Variants in ECE1 observed in about 807,000 individuals in gnomAD.
ECE1 encodes the protein endothelin converting enzyme 1.
ECE1 carries 35 observed loss-of-function variants against 98.6 expected under a neutral mutation model. The ratio of observed to expected loss-of-function variants is 0.35; its 90% CI spans 0.27 to 0.47. The LOEUF (loss-of-function observed/expected upper bound fraction) is 0.47. Among genes scored for constraint, ECE1 ranks in the 20% least tolerant of loss-of-function variants. ECE1 has a pLI of 1.00. For missense variants in ECE1, 814 were observed against 1,025.3 expected (o/e 0.79, Z 2.81); for synonymous variants, 394 against 407.1 (o/e 0.97, Z 0.39).
rs151328486 is a variant in ECE1, at chr1:21,241,779, C to T, written c.1278+3210G>A. Among the ~76,000 whole-genome samples the T allele has an allele frequency of 1.6e-3, 248 of 152,298 alleles. 1 individual carries two copies. Among genetic ancestry groups the T allele is most frequent in the African/African-American group, 5.7e-3 (238 of 41,580 alleles). ...GCTCCAATGTCTTCCTTCAAAGAGG[C>T]CACGCTCTCTGCCTACAGGTCACGA... On this transcript the variant is annotated intron_variant, in intron 10 of 18. Coordinates refer to ENST00000374893, the MANE Select transcript of ECE1 (RefSeq NM_001397.3).
At chr1:21,245,531 A>C (rs909787407) in intron 9 of ECE1, among the ~76,000 whole-genome samples, 3 of 152,134 alleles carry the variant, frequency 2.0e-5, no homozygotes, top group Non-Finnish European at 2.9e-5. Flanking sequence ...GCAGGAAAAG[A>C]AGCTCAGCCC....
At chr1:21,273,234 G>A (rs2098242418) in intron 3 of ECE1, among the ~76,000 whole-genome samples, 1 of 152,140 alleles carries the variant, frequency 6.6e-6, no homozygotes, top group African/African-American at 2.4e-5. Context: ...ATTCACGCAT[G>A]CATTCATTTA....
intron 4 of ECE1, among the ~76,000 whole-genome samples, chr1:21,270,481 G>A (rs1482180034): frequency 2.0e-5 from 3 of 152,242 alleles, no homozygotes; most frequent in Non-Finnish European, 4.4e-5. Context: ...CATCAAGCAA[G>A]TCTCAGCTCT....
intron 4 of ECE1, among the ~76,000 whole-genome samples, chr1:21,264,315 C>CA (rs1279690610): frequency 2.5e-5 from 2 of 78,650 alleles, no homozygotes; most frequent in Non-Finnish European, 5.1e-5. Flanking sequence ...CAATTCCCCC[C>CA]CCCCCTTTTT....
In ECE1 at chr1:21,319,943, A is replaced by G. The variant is rs1290945797; in HGVS notation, c.3+25433T>C. ...TGTTTACACTCGGCAGCAGCGTCCC[A>G]TCTTTTGACTTCCCTGGGCCACAAT... On this transcript the variant is annotated intron_variant, in intron 1 of 18. Coordinates refer to the ECE1 transcript ENST00000415912. The surrounding 1 kb of genome is among the most constrained non-coding windows in gnomAD (Gnocchi z 4.4). 1.3e-5 allele frequency among the ~76,000 whole-genome samples: 2 copies of G among 152,178 alleles called. No homozygotes were observed. Among genetic ancestry groups the G allele is most frequent in the East Asian group, 1.9e-4 (1 of 5,196 alleles).
intron 3 of ECE1, 128 bp downstream of exon 3, chr1:21,279,063 C>A: frequency 1.3e-6 from 2 of 1,521,242 alleles, no homozygotes; most frequent in Non-Finnish European, 1.8e-6. Flanking sequence ...CCAGACCCCC[C>A]TGGGCCTGGC....
chr1:21,311,384 G>T (rs182310866), intron 1 of ECE1, among the ~76,000 whole-genome samples: 2 of 152,134 alleles, frequency 1.3e-5, no homozygotes, highest in East Asian at 3.9e-4. Flanking sequence ...TGAGAAAAGA[G>T]CATGCGGGCC....
chr1:21,228,679 C>T (rs1009148907), intron 14 of ECE1, among the ~76,000 whole-genome samples: 1 of 151,698 alleles, frequency 6.6e-6, no homozygotes, highest in Admixed American at 6.6e-5. Context: ...ATCCCAGCTA[C>T]GTGGGTGGCT....
At chr1:21,255,493 G>A (rs1178670423) in intron 8 of ECE1, among the ~76,000 whole-genome samples, 2 of 152,190 alleles carry the variant, frequency 1.3e-5, no homozygotes, top group African/African-American at 2.4e-5. Context: ...GCCCATCTGC[G>A]GCTGGCTCCT....
chr1:21,260,503 G>A lies in ECE1; in HGVS notation c.494-111C>T. The A allele has an allele frequency of 7.4e-7, 1 of 1,347,722 alleles. No homozygotes were observed. 83.5% of individuals were successfully genotyped at this position (1,347,722 alleles called of 1,614,324 possible). On this transcript the variant is annotated intron_variant, in intron 4 of 18. Transcript: ENST00000374893. The surrounding 1 kb of genome is among the most constrained non-coding windows in gnomAD (Gnocchi z 4.3). ...GTGTTCTCAGCTGCAAAGGAGCTCTGACATCTGCCTGTCGGAGTGGCAGTG... is the reference window on the plus strand; with the variant it reads ...GTGTTCTCAGCTGCAAAGGAGCTCTAACATCTGCCTGTCGGAGTGGCAGTG...
At position 21,247,240 on chromosome 1, in the gene ECE1, T is replaced by C; in HGVS notation, c.1144A>G (p.Ile382Val). 6.2e-7 allele frequency: 1 copy of C among 1,614,118 alleles called. No individual in the cohort carries two copies. ...TCTTACCATCTGTCGGTGGTGTTGA[T>C]GAGAGTGGAGATCTGCTCAAGGTAT... ...KEYLEQISTLINTTDRCLLNN... is the reference protein window; with the variant it reads ...KEYLEQISTLVNTTDRCLLNN... The change falls in exon 9 of 19, where the codon ATC (isoleucine) becomes GTC (valine). Residue 382 changes from isoleucine to valine, a missense_variant. Ile to Val is a conservative substitution (Grantham distance 29). Coordinates refer to ENST00000374893, the MANE Select transcript of ECE1 (RefSeq NM_001397.3).
At chr1:21,245,491 A>G (rs558387999) in intron 9 of ECE1, among the ~76,000 whole-genome samples, 1 of 152,290 alleles carries the variant, frequency 6.6e-6, no homozygotes, top group African/African-American at 2.4e-5. Context: ...TGCCCCAGCC[A>G]GAAGGCCAGA....
At position 21,225,699 on chromosome 1, in the gene ECE1, T is replaced by C. The variant is rs985024213; in HGVS notation, c.1850-259A>G. On this transcript the variant is annotated intron_variant, in intron 16 of 18. Coordinates refer to ENST00000374893, the MANE Select transcript of ECE1 (RefSeq NM_001397.3). The surrounding 1 kb of genome is among the most constrained non-coding windows in gnomAD (Gnocchi z 5.3). ...GGGGCTTGCTTTGTTTTCTTTCTTT[T>C]TTTTTTTTTTTTGAGACAGTCTCAC... Among the ~76,000 whole-genome samples, 3 of 149,690 alleles carry C rather than the reference T, an allele frequency of 2.0e-5. No homozygotes were observed. Among genetic ancestry groups the C allele is most frequent in the Non-Finnish European group, 3.0e-5 (2 of 67,210 alleles).
At chr1:21,223,919 G>A (rs2098170549) in intron 17 of ECE1, among the ~76,000 whole-genome samples, 1 of 152,184 alleles carries the variant, frequency 6.6e-6, no homozygotes, top group Non-Finnish European at 1.5e-5. Context: ...TAAAGGGTAG[G>A]TTGAATCATG....
chr1:21,309,071 C>T (rs544379067), intron 1 of ECE1, among the ~76,000 whole-genome samples: 11 of 152,234 alleles, frequency 7.2e-5, no homozygotes, highest in Non-Finnish European at 1.3e-4. Flanking sequence ...GACAGCACCT[C>T]GTGTCCTCTA....
intron 2 of ECE1, 77 bp downstream of exon 2, chr1:21,289,993 C>CGGGGGGGGGGGGGGGG: frequency 5.6e-6 from 5 of 897,782 alleles, no homozygotes; most frequent in East Asian, 5.3e-5. Flanking sequence ...TAGGTAGGGG[C>CGGGGGGGGGGGGGGGG]GGGGGGCGCG....
intron 11 of ECE1, among the ~76,000 whole-genome samples, chr1:21,237,226 T>C (rs536580397): frequency 3.5e-4 from 53 of 152,314 alleles, no homozygotes; most frequent in African/African-American, 9.6e-4. Context: ...CATTCCTTTT[T>C]GATGGAGCGG....
chr1:21,322,802 C>A lies in ECE1; in HGVS notation c.3+22574G>T, dbSNP rs181236273. ...TGCTGAGAGAAAGAAACGGGGAGGC[C>A]GGGAAGGGAAGTGGGCATGGCCCCC... On this transcript the variant is annotated intron_variant, in intron 1 of 18. Coordinates refer to the ECE1 transcript ENST00000415912. The surrounding 1 kb of genome is among the most constrained non-coding windows in gnomAD (Gnocchi z 4.1). Among the ~76,000 whole-genome samples, 1 of 152,090 alleles carries A rather than the reference C, an allele frequency of 6.6e-6. No individual in the cohort carries two copies. Among genetic ancestry groups the A allele is most frequent in the Non-Finnish European group, 1.5e-5 (1 of 68,010 alleles).
At chr1:21,231,708 G>A (rs544410412) in intron 14 of ECE1, among the ~76,000 whole-genome samples, 1 of 152,258 alleles carries the variant, frequency 6.6e-6, no homozygotes, top group Admixed American at 6.5e-5. Flanking sequence ...AGGCTGGAGT[G>A]CAGTGGTACA....
Sources: gnomAD v4.1 joint callset for allele counts (sites outside exome capture counted in the v4.1 genomes callset) on GRCh38, gnomAD v4.1.1 for gene constraint, Gnocchi (gnomAD v3.1) non-coding constraint, MANE v1.5 for transcripts, NCBI Gene and HGNC (gene_info 2026-07-23, HGNC 2026-07-21) for gene names.